Variants in TAS2R1 observed in about 807,000 individuals in gnomAD.
The protein encoded by TAS2R1 is taste receptor type 2 member 1.
For synonymous variants in TAS2R1, 141 were observed against 134.2 expected, an observed-to-expected ratio of 1.05 and a Z score of -0.35; for missense variants, 370 against 353.4, an observed-to-expected ratio of 1.05 and a Z score of -0.38.
At chr5:9,660,213 C>A (rs113509080) in intron 1 of TAS2R1, among the ~76,000 whole-genome samples, 276 of 146,544 alleles carry the variant, frequency 1.9e-3, no homozygotes, top group Non-Finnish European at 3.2e-3. Context: ...AGCCCGCCAC[C>A]GCTCCCGGCT....
At chr5:9,649,750 G>A (rs1242960943) in intron 2 of TAS2R1, among the ~76,000 whole-genome samples, 1 of 152,212 alleles carries the variant, frequency 6.6e-6, no homozygotes, top group Non-Finnish European at 1.5e-5. Context: ...ACTATGCAAA[G>A]TGCATCCACT....
the TAS2R1 span, among the ~76,000 whole-genome samples, chr5:9,803,255 CA>C: frequency 6.6e-6 from 1 of 152,116 alleles, no homozygotes; most frequent in African/African-American, 2.4e-5. Context: ...GTTAAATGTT[CA>C]AACCTAAGAA....
At chr5:9,838,676 C>T in the TAS2R1 span, among the ~76,000 whole-genome samples, 3 of 152,192 alleles carry the variant, frequency 2.0e-5, no homozygotes, top group African/African-American at 7.2e-5. Context: ...AGTACTTCTG[C>T]TCCGAAAGCA....
At chr5:9,758,244 C>A in the TAS2R1 span, among the ~76,000 whole-genome samples, 1 of 152,046 alleles carries the variant, frequency 6.6e-6, no homozygotes, top group African/African-American at 2.4e-5. Flanking sequence ...ACCATAACAA[C>A]CTAATTTATT....
At chr5:9,711,661 GTATT>G (rs375234229) in intron 1 of TAS2R1, among the ~76,000 whole-genome samples, 4 of 151,984 alleles carry the variant, frequency 2.6e-5, no homozygotes, top group African/African-American at 4.8e-5. Flanking sequence ...ACTTCATGTT[GTATT>G]TATTTATTTA....
intron 1 of TAS2R1, among the ~76,000 whole-genome samples, chr5:9,666,368 A>T (rs904005073): frequency 6.6e-6 from 1 of 152,186 alleles, no homozygotes; most frequent in Admixed American, 6.5e-5. Context: ...TATGAAGCTC[A>T]CATCTGCCCC....
rs1225118758 is a variant in TAS2R1, at chr5:9,680,248, A to C, written c.-241-20667T>G. On this transcript the variant is annotated intron_variant, in intron 1 of 2. Transcript: ENST00000506620. ...TTCATGAGGCCGAAGAGGTGTAAAT[A>C]AGTGATTAGTAATTACATACATTTA... is the stretch of plus-strand genomic sequence containing the variant. Among the ~76,000 whole-genome samples the C allele has an allele frequency of 3.3e-5, 5 of 152,344 alleles. No individual in the cohort carries two copies. The East Asian group carries it at 7.7e-4, about 23-fold the overall frequency.
chr5:9,703,160 T>C (rs1741528090), intron 1 of TAS2R1, among the ~76,000 whole-genome samples: 1 of 152,152 alleles, frequency 6.6e-6, no homozygotes, highest in African/African-American at 2.4e-5. Context: ...CAAATCCCTC[T>C]GCCAACAGCT....
the TAS2R1 span, among the ~76,000 whole-genome samples, chr5:9,836,231 T>A: frequency 1.3e-5 from 2 of 152,050 alleles, no homozygotes; most frequent in African/African-American, 4.8e-5. Flanking sequence ...AATAAACCTC[T>A]TTCTTTTGTA....
the TAS2R1 span, among the ~76,000 whole-genome samples, chr5:9,814,670 T>C: frequency 6.6e-6 from 1 of 152,200 alleles, no homozygotes; most frequent in East Asian, 1.9e-4. Context: ...ACTTACCTTC[T>C]CTATGACCCA....
chr5:9,815,154 T>C, the TAS2R1 span, among the ~76,000 whole-genome samples: 10 of 152,208 alleles, frequency 6.6e-5, no homozygotes, highest in African/African-American at 2.4e-4. Flanking sequence ...GAGGTTGTAA[T>C]TGATCAAAGT....
In TAS2R1 at chr5:9,629,940, A is replaced by C. The variant is rs1337759056; in HGVS notation, c.93T>G (p.Asn31Lys). 6.2e-7 allele frequency: 1 copy of C among 1,613,568 alleles called. No individual in the cohort carries two copies. The highest frequency in any genetic ancestry group is 2.2e-5 in the East Asian group (1 of 44,884). The stretch of plus-strand genomic sequence containing the variant: ...TTCTGTGCTTGATCAAGTCAATGCC[A>C]TTCACCACCACAATGATGCCATTTG... ...IFTNGIIVVV[N>K]GIDLIKHRKM... The change falls in exon 1 of 1, where the codon AAT becomes AAG. Residue 31 changes from asparagine to lysine, a missense_variant. By Grantham distance (94) the Asn-to-Lys change is moderately conservative. Transcript: ENST00000382492.
the TAS2R1 span, among the ~76,000 whole-genome samples, chr5:9,736,568 A>G: frequency 6.6e-6 from 1 of 152,170 alleles, no homozygotes; most frequent in Non-Finnish European, 1.5e-5. Flanking sequence ...CCACGGTGGT[A>G]AATTGCTTGG....
chr5:9,661,666 A>C (rs1662165540), intron 1 of TAS2R1, among the ~76,000 whole-genome samples: 1 of 152,166 alleles, frequency 6.6e-6, no homozygotes, highest in South Asian at 2.1e-4. Flanking sequence ...AAATGAGGAG[A>C]ATTTCAGTGA....
At chr5:9,711,999 A>G (rs1394387688) in intron 1 of TAS2R1, among the ~76,000 whole-genome samples, 1 of 121,160 alleles carries the variant, frequency 8.3e-6, no homozygotes, top group Admixed American at 8.9e-5. Context: ...TCACCACAAC[A>G]AAAGAGAGAA....
At chr5:9,815,454 C>A in the TAS2R1 span, among the ~76,000 whole-genome samples, 1 of 152,130 alleles carries the variant, frequency 6.6e-6, no homozygotes, top group Non-Finnish European at 1.5e-5. Flanking sequence ...GATGGATAGA[C>A]AACAGATAGA....
At chr5:9,686,201 G>A (rs1343548824) in intron 1 of TAS2R1, among the ~76,000 whole-genome samples, 1 of 152,082 alleles carries the variant, frequency 6.6e-6, no homozygotes, top group African/African-American at 2.4e-5. Context: ...GGATGACCCT[G>A]TTACACAAGA....
chr5:9,840,517 C>A, the TAS2R1 span, among the ~76,000 whole-genome samples: 2 of 152,118 alleles, frequency 1.3e-5, no homozygotes, highest in African/African-American at 4.8e-5. Context: ...AAGATTTTTA[C>A]CACTATCTTA....
At chr5:9,895,915 A>G in the TAS2R1 span, among the ~76,000 whole-genome samples, 1 of 152,208 alleles carries the variant, frequency 6.6e-6, no homozygotes. Context: ...CTGAATTTCA[A>G]CCTCCAACCT....
Sources: allele counts gnomAD v4.1 joint callset (sites outside exome capture counted in the v4.1 genomes callset), GRCh38; gene constraint gnomAD v4.1.1; transcripts MANE v1.5; gene names NCBI Gene and HGNC (gene_info 2026-07-23, HGNC 2026-07-21).